PRSS33: variants seen among roughly 807,000 people sequenced by gnomAD.
PRSS33 encodes serine protease 33.
Under a neutral mutation model 26.7 loss-of-function variants are expected in PRSS33, and 32 were observed. That is an observed-to-expected ratio of 1.20 (90% CI 0.90 to 1.61). The LOEUF is 1.61. Ranked by LOEUF, PRSS33 falls within the 40% of genes most tolerant of loss-of-function variation. PRSS33 has a pLI of 0.00. For synonymous variants in PRSS33, 192 were observed against 177.6 expected (o/e 1.08, Z -0.64); for missense variants, 450 against 396.3 (o/e 1.14, Z -1.15).
In PRSS33 at chr16:2,786,037, G is replaced by A; in HGVS notation, c.79+52C>T. The A allele has an allele frequency of 2.5e-6, 4 of 1,611,938 alleles. No individual in the cohort carries two copies. The South Asian group carries it at 3.3e-5, about 13-fold the overall frequency. On this transcript the variant is annotated intron_variant, in intron 3 of 6. Coordinates refer to ENST00000682474, the MANE Select transcript of PRSS33 (RefSeq NM_152891.3). ...GAGGCAGGTGTTGGTGGGGAGACAC[G>A]GGGCCGAGGTCCAGGAGGGGCTGAC...
intron 6 of PRSS33, 22 bp downstream of exon 6, chr16:2,784,971 ACTCCGGAGG>A: frequency 6.3e-7 from 1 of 1,587,936 alleles, no homozygotes; most frequent in Non-Finnish European, 8.6e-7. Flanking sequence ...CAGGGAGGGG[ACTCCGGAGG>A]CTGGGGAGGC....
rs1372466392 is a variant in PRSS33, at chr16:2,785,793, G to T, written c.242+6C>A. 1.3e-6 allele frequency: 2 copies of T among 1,589,888 alleles called. No homozygotes were observed. The highest frequency in any genetic ancestry group is 1.7e-6 in the Non-Finnish European group (2 of 1,173,758). ...CACCCCGCCTGGGCCCTCGGTGAGCGCTGACCTGGGGAAGCAGTGCGCCGC... is the reference window on the plus strand; with the variant it reads ...CACCCCGCCTGGGCCCTCGGTGAGCTCTGACCTGGGGAAGCAGTGCGCCGC... On this transcript the variant is annotated splice_donor_region_variant and intron_variant, in intron 4 of 6. Coordinates refer to ENST00000682474, the MANE Select transcript of PRSS33 (RefSeq NM_152891.3).
At position 2,785,483 on chromosome 16, in the gene PRSS33, C is replaced by G; in HGVS notation, c.406G>C (p.Val136Leu). The change falls in exon 5 of 7, where the codon GTG becomes CTG. Residue 136 changes from valine (V) to leucine (L), a missense_variant. By Grantham distance (32) the Val-to-Leu change is conservative. Transcript: ENST00000682474. ...DLALLQLRRP[V>L]PLSARVQPVC... is the part of the protein sequence containing the mutation. ...GGTTGGACGCGAGCGCTCAGGGGCA[C>G]CGGGCGACGCAGCTGCAGCAGTGCC... 2.6e-6 allele frequency: 4 copies of G among 1,517,402 alleles called. No homozygotes were observed. The highest frequency in any genetic ancestry group is 2.6e-6 in the Non-Finnish European group (3 of 1,140,908). The allele number at this position is 1,517,402 out of a possible 1,614,324, so 94.0% of individuals were successfully genotyped here. A position where few individuals can be genotyped will look rare whatever the true frequency, so the allele number is the denominator to read the frequency against.
chr16:2,786,622 A>G lies in PRSS33; in HGVS notation c.-57-18T>C, dbSNP rs370149831. 1.9e-4 allele frequency: 292 copies of G among 1,560,496 alleles called. No individual in the cohort carries two copies. Among genetic ancestry groups the G allele is most frequent in the Non-Finnish European group, 2.4e-4 (276 of 1,138,624 alleles). ...ACTCTGGTCTGGAGCCAGCAGGGAG[A>G]AGAGAGGAGAGTCCTGGCCCAGGGG... On this transcript the variant is annotated intron_variant, in intron 1 of 6. Transcript: ENST00000682474.
At position 2,784,239 on chromosome 16, in the gene PRSS33, T is replaced by G. The variant is rs535549471; in HGVS notation, c.*405A>C. 8 of 156,100 alleles carry G rather than the reference T, an allele frequency of 5.1e-5. No homozygotes were observed. The highest frequency in any genetic ancestry group is 1.7e-4 in the African/African-American group (7 of 41,620). The allele number at this position is 156,100 out of a possible 1,614,324, so 9.7% of individuals were successfully genotyped here. On this transcript the variant is annotated 3_prime_UTR_variant, in exon 7 of 7. Coordinates refer to ENST00000682474, the MANE Select transcript of PRSS33 (RefSeq NM_152891.3). ...TGTCCTCAAAGCCAGCTATGGAGGATCTCCCTGGTGTCAAATCTCTGTCAT... is the reference window on the plus strand; with the variant it reads ...TGTCCTCAAAGCCAGCTATGGAGGAGCTCCCTGGTGTCAAATCTCTGTCAT...
intron 3 of PRSS33, 62 bp from the exon 4 acceptor site, chr16:2,786,023 T>G (rs1465042273): frequency 5.0e-6 from 8 of 1,611,832 alleles, no homozygotes; most frequent in Non-Finnish European, 6.8e-6. Context: ...AGGCAGGTGT[T>G]GGTGGGGAGA....
At position 2,786,146 on chromosome 16, in the gene PRSS33, C is replaced by A. The variant is rs1175672371; in HGVS notation, c.47-25G>T. On this transcript the variant is annotated intron_variant, in intron 2 of 6. Transcript: ENST00000682474. Reference sequence around the variant, plus strand: ...CCTGGAGGAGGAAGCAGGGAAGGGACCAGATTATAGATTTGGTGTCAAATA... The same window carrying A: ...CCTGGAGGAGGAAGCAGGGAAGGGAACAGATTATAGATTTGGTGTCAAATA... The A allele has an allele frequency of 8.1e-6, 13 of 1,605,352 alleles. No individual in the cohort carries two copies. The African/African-American group carries it at 1.7e-4, about 21-fold the overall frequency.
chr16:2,786,019 G>T, intron 3 of PRSS33, 58 bp from the exon 4 acceptor site: 1 of 1,612,588 alleles, frequency 6.2e-7, no homozygotes, highest in Non-Finnish European at 8.5e-7. Context: ...TGGGAGGCAG[G>T]TGTTGGTGGG....
Position 2,785,397 on chromosome 16 carries a change from G to A in PRSS33, c.492C>T (p.Gly164=). 1.4e-6 allele frequency: 2 copies of A among 1,433,710 alleles called. No homozygotes were observed. The highest frequency in any genetic ancestry group is 1.8e-6 in the Non-Finnish European group (2 of 1,104,528). The allele number at this position is 1,433,710 out of a possible 1,614,324, so 88.8% of individuals were successfully genotyped here. Reference sequence around the variant, plus strand: ...TACCTCCTGGGCGGAGGCTGCCCCAGCCGGTGACCCGGCATGGTGTGCCGG... The same window carrying A: ...TACCTCCTGGGCGGAGGCTGCCCCAACCGGTGACCCGGCATGGTGTGCCGG... The part of the protein sequence containing the change: ...PPPGTPCRVT[G]WGSLRPGVPL... Residue 164 remains glycine, a synonymous_variant, in exon 5 of 7, where the codon GGC becomes GGT. Transcript: ENST00000682474.
rs767759159 is a variant in PRSS33 at position 2,785,432 on chromosome 16, G to A, written c.457C>T (p.Arg153Cys). 3.4e-6 allele frequency: 5 copies of A among 1,467,776 alleles called. No individual in the cohort carries two copies. The highest frequency in any genetic ancestry group is 1.8e-6 in the Non-Finnish European group (2 of 1,121,008). The allele number at this position is 1,467,776 out of a possible 1,614,324, so 90.9% of individuals were successfully genotyped here. The change falls in exon 5 of 7, where the codon CGC becomes TGC. Residue 153 changes from arginine (R) to cysteine (C), a missense_variant. Arg to Cys is a radical substitution (Grantham distance 180). Transcript: ENST00000682474. Reference sequence around the variant, plus strand: ...CGGCATGGTGTGCCGGGCGGCGGGCGGGCGCCGGGCACGGGCAGGCAGACG... The same window carrying A: ...CGGCATGGTGTGCCGGGCGGCGGGCAGGCGCCGGGCACGGGCAGGCAGACG... Reference protein sequence around the residue: ...QPVCLPVPGARPPPGTPCRVT... With the variant: ...QPVCLPVPGACPPPGTPCRVT...
intron 5 of PRSS33, 61 bp downstream of exon 5, chr16:2,785,314 G>C (rs2068860052): frequency 6.9e-7 from 1 of 1,459,742 alleles, no homozygotes; most frequent in Admixed American, 2.5e-5. Context: ...GGGATTTCCA[G>C]TCAGATGGAG....
chr16:2,786,100 C>G lies in PRSS33; in HGVS notation c.68G>C (p.Arg23Thr), dbSNP rs371581303. Residue 23 changes from arginine (R) to threonine (T), a missense_variant, in exon 3 of 7, where the codon AGG becomes ACG. Physicochemically the swap from Arg to Thr is moderately conservative, Grantham distance 71. Transcript: ENST00000682474. ...CGAGGCTTCCTCACCTGCAGACTTC[C>G]TTCCCTGAGTCCCAGCAGCTCCTGG... ...LVLGAAGTQGRKSAACGQPRM... is the reference protein window; with the variant it reads ...LVLGAAGTQGTKSAACGQPRM... The G allele has an allele frequency of 1.9e-6, 3 of 1,613,504 alleles. No individual in the cohort carries two copies. Among genetic ancestry groups the G allele is most frequent in the African/African-American group, 2.7e-5 (2 of 74,922 alleles).
intron 1 of PRSS33, among the ~76,000 whole-genome samples, chr16:2,787,081 T>C (rs1424581055): frequency 2.8e-4 from 2 of 7,242 alleles, no homozygotes; most frequent in African/African-American, 8.3e-4. Context: ...TCCTCCTCAC[T>C]CCCCTCCCTC....
chr16:2,787,636 G>A (rs80014552), upstream of PRSS33, among the ~76,000 whole-genome samples: 2,261 of 151,182 alleles, frequency 0.015, 50 homozygotes, highest in African/African-American at 0.051. Flanking sequence ...GAACAGGGCC[G>A]GGGCGGGGCT....
intron 1 of PRSS33, 41 bp from the exon 2 acceptor site, chr16:2,786,645 G>A: frequency 1.4e-6 from 2 of 1,392,498 alleles, no homozygotes; most frequent in Admixed American, 1.9e-5. Flanking sequence ...CCTGGCCCAG[G>A]GGCACCAATC....
intron 3 of PRSS33, 24 bp downstream of exon 3, chr16:2,786,065 G>T: frequency 6.2e-7 from 1 of 1,613,036 alleles, no homozygotes; most frequent in Non-Finnish European, 8.5e-7. Flanking sequence ...GGGCTGACTC[G>T]GGTGGACTCC....
chr16:2,786,263 A>G, intron 2 of PRSS33, 142 bp from the exon 3 acceptor site: 1 of 922,584 alleles, frequency 1.1e-6, no homozygotes. Context: ...CTGTTATCTT[A>G]TTTAACCCTC....
At chr16:2,785,720 C>T in intron 4 of PRSS33, 74 bp from the exon 5 acceptor site, 1 of 1,479,876 alleles carries the variant, frequency 6.8e-7, no homozygotes, top group South Asian at 1.3e-5. Context: ...GACCCCAACG[C>T]CTCTGCCAGG....
chr16:2,787,276 C>T (rs1315031396), intron 1 of PRSS33, among the ~76,000 whole-genome samples: 4 of 15,026 alleles, frequency 2.7e-4, no homozygotes, highest in African/African-American at 8.9e-4. Context: ...CACCCCCTCC[C>T]TCATCCTTCA....
Sources: gnomAD v4.1 joint callset for allele counts (sites outside exome capture counted in the v4.1 genomes callset) on GRCh38, gnomAD v4.1.1 for gene constraint, MANE v1.5 for transcripts, NCBI Gene and HGNC (gene_info 2026-07-23, HGNC 2026-07-21) for gene names.